ALPK1: variants seen among roughly 807,000 people sequenced by gnomAD.
ALPK1 encodes alpha kinase 1, also known as alpha-protein kinase 1.
A neutral mutation model predicts 120.6 loss-of-function variants in ALPK1; 110 were observed. That is an observed-to-expected ratio of 0.91 (90% CI 0.78 to 1.07). The LOEUF (loss-of-function observed/expected upper bound fraction) is 1.07, where lower values mean the gene tolerates loss of function less well. Ranked by LOEUF, ALPK1 falls within the 50% of genes least tolerant of loss-of-function variation. The pLI, the probability that ALPK1 is intolerant of heterozygous loss-of-function variation, is 0.00. For missense variants in ALPK1, 1,498 were observed against 1,483.9 expected (o/e 1.01, Z -0.16); for synonymous variants, 582 against 560.3 (o/e 1.04, Z -0.55).
intron 2 of ALPK1, among the ~76,000 whole-genome samples, chr4:112,332,371 C>T (rs911933330): frequency 6.6e-6 from 1 of 152,194 alleles, no homozygotes; most frequent in Non-Finnish European, 1.5e-5. Flanking sequence ...TCTCAATATA[C>T]TCCAGATCTC....
chr4:112,349,551 G>GCCCCCCCCCCCCC (rs10625139), intron 2 of ALPK1, among the ~76,000 whole-genome samples: 14 of 103,700 alleles, frequency 1.4e-4, no homozygotes, highest in African/African-American at 2.0e-4. Flanking sequence ...CCCAACCCCT[G>GCCCCCCCCCCCCC]CCCCCCCCCG....
intron 2 of ALPK1, chr4:112,357,567 C>A: frequency 7.3e-7 from 1 of 1,372,408 alleles, no homozygotes; most frequent in Non-Finnish European, 1.0e-6. Context: ...GCACACTGGC[C>A]CCCGGGTCCT....
At chr4:112,379,571 C>A (rs761291034) in intron 3 of ALPK1, among the ~76,000 whole-genome samples, 1 of 152,254 alleles carries the variant, frequency 6.6e-6, no homozygotes. Flanking sequence ...GGCTGCGGAG[C>A]GGCTCGAGCA....
rs1553965153 is a variant in ALPK1 at position 112,440,812 on chromosome 4, A to AGTGTGCGTGT, written c.3539-100_3539-99insCGTGTGTGTG. 2.8e-5 allele frequency: 37 copies of AGTGTGCGTGT among 1,328,174 alleles called. No individual in the cohort carries two copies. In the East Asian group the frequency reaches 4.3e-4, roughly 15 times the overall value. The allele number at this position is 1,328,174 out of a possible 1,614,324, so 82.3% of individuals were successfully genotyped here. On this transcript the variant is annotated intron_variant, in intron 14 of 15. Transcript: ENST00000650871. ...GCCAAGTTTTTGAATTATCTCTTTA[A>AGTGTGCGTGT]GTGTGTGTGTGTGTGTGTGTGTGTG...
At chr4:112,427,813 A>G (rs879074644) in intron 9 of ALPK1, 148 bp downstream of exon 9, 6 of 629,090 alleles carry the variant, frequency 9.5e-6, no homozygotes, top group South Asian at 7.6e-5. Context: ...CCTGGGGAGG[A>G]GTCTTGTGGG....
intron 2 of ALPK1, among the ~76,000 whole-genome samples, chr4:112,324,121 A>C (rs1044264666): frequency 5.9e-5 from 9 of 152,052 alleles, no homozygotes; most frequent in Admixed American, 1.3e-4. Flanking sequence ...AGGTCAGGAG[A>C]TCGAGACCAT....
intron 2 of ALPK1, chr4:112,357,814 AT>A: frequency 9.7e-7 from 1 of 1,028,226 alleles, no homozygotes; most frequent in Non-Finnish European, 1.5e-6. Flanking sequence ...ATATCCCATC[AT>A]GGAAAAGAGC....
At chr4:112,381,191 G>A (rs1054029279) in intron 3 of ALPK1, among the ~76,000 whole-genome samples, 2 of 152,182 alleles carry the variant, frequency 1.3e-5, no homozygotes, top group Admixed American at 1.3e-4. Context: ...TTACTGCCAA[G>A]GAAGAGGAGA....
rs1399450468 is a variant in ALPK1 at position 112,310,085 on chromosome 4, A to G, written c.-152-5716A>G. ...CCAATGCATGACACATTGTAGGTGG[A>G]CAATACAGATTTGCTAAATAAATAA... is the stretch of plus-strand genomic sequence containing the variant. On this transcript the variant is annotated intron_variant, in intron 1 of 15. Coordinates refer to ENST00000650871, the MANE Select transcript of ALPK1 (RefSeq NM_025144.4). 3.3e-5 allele frequency among the ~76,000 whole-genome samples: 5 copies of G among 152,110 alleles called. 1 individual carries two copies. Among genetic ancestry groups the G allele is most frequent in the Admixed American group, 3.3e-4 (5 of 15,274 alleles).
At chr4:112,305,286 GAAAGTC>G (rs1243307181) in intron 1 of ALPK1, among the ~76,000 whole-genome samples, 1 of 151,946 alleles carries the variant, frequency 6.6e-6, no homozygotes, top group Non-Finnish European at 1.5e-5. Flanking sequence ...ATTCTGTGAA[GAAAGTC>G]ATTGGTAGCT....
At chr4:112,412,334 T>A in intron 5 of ALPK1, 1 of 541,732 alleles carries the variant, frequency 1.8e-6, no homozygotes, top group Non-Finnish European at 3.5e-6. Flanking sequence ...GGTATCTGAA[T>A]TGCTATACTT....
intron 2 of ALPK1, among the ~76,000 whole-genome samples, chr4:112,346,593 C>T (rs962036748): frequency 3.9e-5 from 6 of 152,206 alleles, no homozygotes; most frequent in African/African-American, 1.4e-4. Flanking sequence ...AATGAAATTG[C>T]TCTGGGTCCA....
intron 5 of ALPK1, among the ~76,000 whole-genome samples, chr4:112,418,082 T>A (rs6533613): frequency 0.6 from 91,029 of 152,022 alleles, 27,451 homozygotes; most frequent in East Asian, 0.8. Context: ...CAGGATAGCA[T>A]TTTTAAGGTA....
rs775893288 is a variant in ALPK1, at chr4:112,431,072, A to G, written c.1525A>G (p.Lys509Glu). Reference protein sequence around the residue: ...NIDTVSTTQEKPHCQRDTGIS... With the variant: ...NIDTVSTTQEEPHCQRDTGIS... Reference sequence around the variant, plus strand: ...AGATACTGTGAGTACTACTCAAGAAAAGCCACATTGTCAAAGAGACACAGG... The same window carrying G: ...AGATACTGTGAGTACTACTCAAGAAGAGCCACATTGTCAAAGAGACACAGG... The change falls in exon 11 of 16, where the codon AAG becomes GAG. Residue 509 changes from lysine (K) to glutamate (E), a missense_variant. Coordinates refer to ENST00000650871, the MANE Select transcript of ALPK1 (RefSeq NM_025144.4). 8.1e-6 allele frequency: 13 copies of G among 1,614,250 alleles called. No individual in the cohort carries two copies. The South Asian group carries it at 1.3e-4, about 16-fold the overall frequency.
chr4:112,357,760 A>G lies in ALPK1; in HGVS notation c.-100-19918A>G, dbSNP rs1185039307. 4 of 1,185,170 alleles carry G rather than the reference A, an allele frequency of 3.4e-6. No homozygotes were observed. The East Asian group carries it at 7.0e-5, about 21-fold the overall frequency. 73.4% of individuals were successfully genotyped at this position (1,185,170 alleles called of 1,614,324 possible). A position where few individuals can be genotyped will look rare whatever the true frequency, so the allele number is the denominator to read the frequency against. Reference sequence around the variant, plus strand: ...CTCTTTGGGGAAGGCTCTGGGCAACATCGCCCGCATGGTGCCCTATGGGCT... The same window carrying G: ...CTCTTTGGGGAAGGCTCTGGGCAACGTCGCCCGCATGGTGCCCTATGGGCT... On this transcript the variant is annotated intron_variant, in intron 2 of 15. Transcript: ENST00000650871.
chr4:112,396,032 G>A (rs1473118630), intron 4 of ALPK1, among the ~76,000 whole-genome samples: 5 of 151,824 alleles, frequency 3.3e-5, no homozygotes, highest in Non-Finnish European at 4.4e-5. Flanking sequence ...TTTTTAAATG[G>A]GTTAAAATTT....
chr4:112,314,305 T>C (rs1263478055), intron 1 of ALPK1, among the ~76,000 whole-genome samples: 2 of 152,174 alleles, frequency 1.3e-5, no homozygotes, highest in Non-Finnish European at 2.9e-5. Flanking sequence ...AAACGGATCA[T>C]AAAAGTACAG....
At chr4:112,356,264 A>T in intron 2 of ALPK1, 1 of 1,289,248 alleles carries the variant, frequency 7.8e-7, no homozygotes, top group Non-Finnish European at 1.1e-6. Context: ...CCCCGCGGGC[A>T]CAGGCAAGAC....
chr4:112,338,867 G>A (rs887019934), intron 2 of ALPK1, among the ~76,000 whole-genome samples: 7 of 152,162 alleles, frequency 4.6e-5, no homozygotes, highest in Non-Finnish European at 8.8e-5. Flanking sequence ...ATTATAACTG[G>A]TCACCTACCT....
Sources: allele counts gnomAD v4.1 joint callset (sites outside exome capture counted in the v4.1 genomes callset), GRCh38; gene constraint gnomAD v4.1.1; transcripts MANE v1.5; gene names NCBI Gene and HGNC (gene_info 2026-07-23, HGNC 2026-07-21).